CCDC175: variants seen among roughly 807,000 people sequenced by gnomAD.
The protein encoded by CCDC175 is coiled-coil domain-containing protein 175.
Under a neutral mutation model 114.6 loss-of-function variants are expected in CCDC175, and 100 were observed. That is an observed-to-expected ratio of 0.87 (90% CI 0.74 to 1.03). The LOEUF is 1.03. CCDC175 is among the 50% of genes least tolerant of loss of function. CCDC175 has a pLI of 0.00. For missense variants in CCDC175, 880 were observed against 917.8 expected, an observed-to-expected ratio of 0.96 and a Z score of 0.53; for synonymous variants, 306 against 308.7, an observed-to-expected ratio of 0.99 and a Z score of 0.09.
intron 13 of CCDC175, among the ~76,000 whole-genome samples, chr14:59,533,639 A>G (rs938568206): frequency 6.6e-6 from 1 of 152,218 alleles, no homozygotes; most frequent in Non-Finnish European, 1.5e-5. Flanking sequence ...AAATATCATA[A>G]TGCAGAAGCA....
intron 4 of CCDC175, 65 bp downstream of exon 4, chr14:59,568,180 C>T (rs1362568849): frequency 4.9e-6 from 7 of 1,442,532 alleles, no homozygotes; most frequent in South Asian, 2.8e-5. Flanking sequence ...AAACCCCTCC[C>T]GACAATTTTC....
At chr14:59,574,234 C>G (rs1035746263) in intron 2 of CCDC175, among the ~76,000 whole-genome samples, 3 of 152,094 alleles carry the variant, frequency 2.0e-5, no homozygotes, top group Non-Finnish European at 4.4e-5. Context: ...TCATTTACAG[C>G]CATATTTCAA....
chr14:59,576,381 T>A (rs1001677067), intron 1 of CCDC175, among the ~76,000 whole-genome samples: 4 of 152,296 alleles, frequency 2.6e-5, no homozygotes, highest in African/African-American at 9.6e-5. Flanking sequence ...CTCAGTAATT[T>A]AACTACTACT....
chr14:59,506,291 CTTTT>C (rs1383190546), intron 19 of CCDC175, among the ~76,000 whole-genome samples: 1 of 109,592 alleles, frequency 9.1e-6, no homozygotes, highest in Non-Finnish European at 1.9e-5. Context: ...TTTTTTTTTT[CTTTT>C]TTTTTTTTTG....
intron 19 of CCDC175, among the ~76,000 whole-genome samples, chr14:59,508,565 CA>C (rs565175219): frequency 1.9e-4 from 14 of 74,594 alleles, no homozygotes; most frequent in Admixed American, 3.5e-4. Context: ...GGCCCTGTCT[CA>C]AAAAAAAAAA....
At chr14:59,518,470 T>A (rs1209141244) in intron 17 of CCDC175, among the ~76,000 whole-genome samples, 1 of 151,880 alleles carries the variant, frequency 6.6e-6, no homozygotes, top group Admixed American at 6.6e-5. Context: ...CAGACAAATT[T>A]ACAAGAAAAA....
chr14:59,569,968 T>G (rs981031003), intron 3 of CCDC175, among the ~76,000 whole-genome samples: 1 of 152,128 alleles, frequency 6.6e-6, no homozygotes, highest in Non-Finnish European at 1.5e-5. Flanking sequence ...CTAGGCCTCA[T>G]TAGAGAGGCT....
chr14:59,537,612 G>A (rs1260372184), intron 13 of CCDC175, among the ~76,000 whole-genome samples: 9 of 151,994 alleles, frequency 5.9e-5, no homozygotes, highest in Non-Finnish European at 1.3e-4. Context: ...ACCTCCCCCA[G>A]CATCCATGCC....
At chr14:59,531,743 A>C (rs971194560) in intron 14 of CCDC175, 29 bp downstream of exon 14, 6 of 1,424,052 alleles carry the variant, frequency 4.2e-6, no homozygotes, top group Non-Finnish European at 3.7e-6. Context: ...CCTGGGATTG[A>C]GTTTAATTAC....
intron 8 of CCDC175, among the ~76,000 whole-genome samples, chr14:59,550,372 T>A (rs1316466872): frequency 1.3e-5 from 2 of 152,180 alleles, no homozygotes; most frequent in African/African-American, 4.8e-5. Context: ...TGAGGCTAAA[T>A]CTTGGTTTAC....
Position 59,574,970 on chromosome 14 carries a change from C to T in CCDC175, c.216G>A (p.Lys72=). ...KCNEEAKIFL[K]DIAVAVKKLE... ...ATTTCTTAACAGCTACAGCAATGTCCTTAAGAAAGATCTTAGCTTCTTCAT... is the reference window on the plus strand; with the variant it reads ...ATTTCTTAACAGCTACAGCAATGTCTTTAAGAAAGATCTTAGCTTCTTCAT... The change falls in exon 2 of 20, where the codon AAG becomes AAA. Residue 72 remains lysine, a synonymous_variant. Coordinates refer to ENST00000537690, the MANE Select transcript of CCDC175 (RefSeq NM_001164399.2). 6.6e-7 allele frequency: 1 copy of T among 1,514,090 alleles called. No individual in the cohort carries two copies. Among genetic ancestry groups the T allele is most frequent in the Admixed American group, 2.0e-5 (1 of 48,802 alleles). The allele number at this position is 1,514,090 out of a possible 1,614,324, so 93.8% of individuals were successfully genotyped here.
At chr14:59,554,191 C>T (rs57297175) in intron 7 of CCDC175, among the ~76,000 whole-genome samples, 2,474 of 152,288 alleles carry the variant, frequency 0.016, 64 homozygotes, top group African/African-American at 0.056. Context: ...AGCACTTATT[C>T]CAAAATTGAC....
rs913716991 is a variant in CCDC175, at chr14:59,521,589, G to A, written c.2083C>T (p.Leu695=). The part of the protein sequence containing the change: ...MHTSSDLSRQ[L]IAQEAQYKDL... The stretch of plus-strand genomic sequence containing the variant: ...CATTACTTACCCTCCTGAGCTATTA[G>A]TTGCCGAGACAAGTCGCTTGAGGTG... Residue 695 remains leucine, a synonymous_variant, in exon 17 of 20, where the codon CTA becomes TTA. Coordinates refer to ENST00000537690, the MANE Select transcript of CCDC175 (RefSeq NM_001164399.2). 3.9e-6 allele frequency: 6 copies of A among 1,531,372 alleles called. No homozygotes were observed. In the Admixed American group the frequency reaches 9.8e-5, roughly 25 times the overall value. The allele number at this position is 1,531,372 out of a possible 1,614,324, so 94.9% of individuals were successfully genotyped here.
At chr14:59,532,128 T>A (rs1412821261) in intron 13 of CCDC175, among the ~76,000 whole-genome samples, 1 of 152,184 alleles carries the variant, frequency 6.6e-6, no homozygotes, top group Non-Finnish European at 1.5e-5. Flanking sequence ...GGAGATTAGA[T>A]TCAATTGGTT....
At chr14:59,509,909 G>C (rs1406494292) in intron 19 of CCDC175, among the ~76,000 whole-genome samples, 1 of 152,134 alleles carries the variant, frequency 6.6e-6, no homozygotes, top group Non-Finnish European at 1.5e-5. Context: ...AGCACAAATA[G>C]ATTTGTACAC....
chr14:59,546,616 G>T (rs113138698), intron 8 of CCDC175, among the ~76,000 whole-genome samples: 2 of 152,026 alleles, frequency 1.3e-5, no homozygotes, highest in African/African-American at 2.4e-5. Flanking sequence ...CAAGTTTTGG[G>T]TTTTTTTGCA....
intron 17 of CCDC175, among the ~76,000 whole-genome samples, chr14:59,513,882 T>C (rs561614547): frequency 2.0e-5 from 3 of 152,214 alleles, no homozygotes; most frequent in African/African-American, 7.2e-5. Flanking sequence ...AGCACGTCCT[T>C]GACCCCCGAG....
intron 7 of CCDC175, among the ~76,000 whole-genome samples, chr14:59,556,350 G>A (rs1345720908): frequency 1.3e-5 from 2 of 151,928 alleles, no homozygotes; most frequent in South Asian, 2.1e-4. Context: ...GACAAAAAGA[G>A]GAAATGGGGA....
At chr14:59,545,560 T>C (rs756681408) in intron 8 of CCDC175, among the ~76,000 whole-genome samples, 6 of 152,214 alleles carry the variant, frequency 3.9e-5, no homozygotes, top group Non-Finnish European at 5.9e-5. Context: ...AAATGCAAAA[T>C]GGGATGAATA....
Sources: gnomAD v4.1 joint callset for allele counts (sites outside exome capture counted in the v4.1 genomes callset) on GRCh38, gnomAD v4.1.1 for gene constraint, MANE v1.5 for transcripts, NCBI Gene and HGNC (gene_info 2026-07-23, HGNC 2026-07-21) for gene names.